The following PKP4 variants were observed in gnomAD, a reference collection of about 807,000 sequenced individuals.
PKP4 encodes plakophilin 4.
PKP4 carries 90 observed loss-of-function variants against 145.1 expected under a neutral mutation model. The ratio of observed to expected loss-of-function variants is 0.62; its 90% CI spans 0.52 to 0.74. PKP4 has a LOEUF of 0.74. Among genes scored for constraint, PKP4 ranks in the 30% least tolerant of loss-of-function variants. PKP4 has a pLI of 0.00. For synonymous variants in PKP4, 563 were observed against 577.2 expected (o/e 0.98, Z 0.35); for missense variants, 1,340 against 1,482.7 (o/e 0.90, Z 1.58).
intron 2 of PKP4, among the ~76,000 whole-genome samples, chr2:158,538,207 T>A (rs2105650251): frequency 6.6e-6 from 1 of 152,314 alleles, no homozygotes; most frequent in East Asian, 1.9e-4. Context: ...CTTAGATGGG[T>A]CAGAATGCTC....
intron 1 of PKP4, among the ~76,000 whole-genome samples, chr2:158,504,676 A>T (rs200503731): frequency 1.9e-4 from 3 of 16,006 alleles, no homozygotes; most frequent in Non-Finnish European, 2.2e-4. Context: ...AAATATCCTT[A>T]AAAAAAAAAC....
At position 158,680,624 on chromosome 2, in the gene PKP4, C is replaced by T. The variant is rs781069638; in HGVS notation, c.3526C>T (p.Arg1176Ter). 3 of 1,613,686 alleles carry T rather than the reference C, an allele frequency of 1.9e-6. No individual in the cohort carries two copies. In the African/African-American group the frequency reaches 4.0e-5, roughly 22 times the overall value. Residue 1176 changes from arginine (R) to a stop codon, truncating the protein, a stop_gained, in exon 22 of 22, where the codon CGA (arginine) becomes TGA (stop). Transcript: ENST00000389759. LOFTEE classifies it high-confidence loss of function. ...TTATGTAGACTTTTATTCCACTAAA[C>T]GACCTTCTTATAGAGCAGAACAGTA... The part of the protein sequence containing the change: ...TNYVDFYSTK[R>*]PSYRAEQYPG...
chr2:158,602,319 T>C (rs2050296348), intron 3 of PKP4, among the ~76,000 whole-genome samples: 1 of 152,220 alleles, frequency 6.6e-6, no homozygotes, highest in African/African-American at 2.4e-5. Flanking sequence ...GGTGTACCTA[T>C]TCACAAGATT....
At position 158,625,255 on chromosome 2, in the gene PKP4, C is replaced by G; in HGVS notation, c.981C>G (p.Ser327=). Residue 327 remains serine, a synonymous_variant, in exon 7 of 22, where the codon TCC becomes TCG. Coordinates refer to ENST00000389759, the MANE Select transcript of PKP4 (RefSeq NM_003628.6). ...CGGATGCACAGACTCGAGTAGCTTC[C>G]CCATCCCAAGGCCAGGTGGGGTCGT... is the stretch of plus-strand genomic sequence containing the variant. The part of the protein sequence containing the change: ...TLTDAQTRVA[S]PSQGQVGSSS... The G allele has an allele frequency of 2.5e-6, 4 of 1,614,230 alleles. No homozygotes were observed. The South Asian group carries it at 4.4e-5, about 18-fold the overall frequency.
chr2:158,513,286 C>A (rs1363717897), intron 1 of PKP4, among the ~76,000 whole-genome samples: 2 of 152,112 alleles, frequency 1.3e-5, no homozygotes, highest in Non-Finnish European at 2.9e-5. Context: ...ATTTTCTTCT[C>A]TTAGAAGCAG....
intron 1 of PKP4, among the ~76,000 whole-genome samples, chr2:158,471,959 C>T (rs1691634568): frequency 6.6e-6 from 1 of 152,144 alleles, no homozygotes; most frequent in Non-Finnish European, 1.5e-5. Context: ...ATGCATTCTT[C>T]CTCAGCTCTT....
chr2:158,631,281 C>T (rs1440484076), intron 7 of PKP4, among the ~76,000 whole-genome samples: 1 of 151,944 alleles, frequency 6.6e-6, no homozygotes, highest in African/African-American at 2.4e-5. Context: ...GTACTTTTCA[C>T]GTGTGGCATT....
At chr2:158,491,102 G>T (rs1694869857) in intron 1 of PKP4, among the ~76,000 whole-genome samples, 1 of 152,104 alleles carries the variant, frequency 6.6e-6, no homozygotes, top group Non-Finnish European at 1.5e-5. Context: ...GTCTGTGTTA[G>T]CTTGTTGATT....
chr2:158,632,028 G>A, intron 8 of PKP4, 87 bp downstream of exon 8: 2 of 1,224,266 alleles, frequency 1.6e-6, no homozygotes, highest in Non-Finnish European at 2.4e-6. Context: ...CCTGTTAGAA[G>A]GAAATCATGT....
chr2:158,608,072 C>T (rs996338607), intron 4 of PKP4, among the ~76,000 whole-genome samples: 4 of 152,134 alleles, frequency 2.6e-5, no homozygotes, highest in Non-Finnish European at 2.9e-5. Context: ...TGATTTATAA[C>T]GCAAAGGATA....
intron 3 of PKP4, among the ~76,000 whole-genome samples, chr2:158,580,696 A>G (rs2048259149): frequency 6.6e-6 from 1 of 152,194 alleles, no homozygotes; most frequent in Non-Finnish European, 1.5e-5. Context: ...TTTAAGGGTT[A>G]TGAGTAAGGT....
At chr2:158,658,010 T>C (rs778208542) in intron 11 of PKP4, 121 bp from the exon 12 acceptor site, 40 of 652,670 alleles carry the variant, frequency 6.1e-5, no homozygotes, top group Non-Finnish European at 1.0e-4. Context: ...TGGTTGCAAA[T>C]ATAGGCCATA....
chr2:158,671,368 G>T (rs996079251), intron 17 of PKP4, among the ~76,000 whole-genome samples: 1 of 151,092 alleles, frequency 6.6e-6, no homozygotes, highest in Non-Finnish European at 1.5e-5. Flanking sequence ...AGTAATAAAT[G>T]GTTATAGGGG....
At chr2:158,583,613 G>A (rs1194606334) in intron 3 of PKP4, among the ~76,000 whole-genome samples, 3 of 152,064 alleles carry the variant, frequency 2.0e-5, no homozygotes, top group Non-Finnish European at 4.4e-5. Context: ...GTATACAGTT[G>A]TGTGACGACC....
intron 11 of PKP4, among the ~76,000 whole-genome samples, chr2:158,646,025 T>C (rs1167331996): frequency 6.6e-6 from 1 of 152,208 alleles, no homozygotes; most frequent in Non-Finnish European, 1.5e-5. Flanking sequence ...TTTTAAGACA[T>C]GGACCTTGGC....
chr2:158,504,147 GACTTGTATT>G (rs1696986521), intron 1 of PKP4, among the ~76,000 whole-genome samples: 1 of 152,020 alleles, frequency 6.6e-6, no homozygotes, highest in Non-Finnish European at 1.5e-5. Context: ...CTGACAATGT[GACTTGTATT>G]ACTTGATAAA....
Position 158,541,806 on chromosome 2 carries a change from C to T in PKP4, c.132+8490C>T, listed in dbSNP as rs542946853. 1.1e-4 allele frequency among the ~76,000 whole-genome samples: 16 copies of T among 152,152 alleles called. No individual in the cohort carries two copies. The South Asian group carries it at 3.1e-3, about 30-fold the overall frequency. On this transcript the variant is annotated intron_variant, in intron 2 of 21. Coordinates refer to ENST00000389759, the MANE Select transcript of PKP4 (RefSeq NM_003628.6). ...AACGCGGCATCAGTGAAGTGTTCAT[C>T]GTGAGTTATCATCTACCCTAATAGG... is the stretch of plus-strand genomic sequence containing the variant.
chr2:158,672,644 GT>G (rs2057664800), intron 17 of PKP4, among the ~76,000 whole-genome samples: 1 of 152,182 alleles, frequency 6.6e-6, no homozygotes, highest in South Asian at 2.1e-4. Context: ...TTTCTTTGGG[GT>G]ATTTAGCTAT....
intron 2 of PKP4, among the ~76,000 whole-genome samples, chr2:158,559,395 G>A (rs2046342451): frequency 6.6e-6 from 1 of 152,038 alleles, no homozygotes; most frequent in African/African-American, 2.4e-5. Context: ...ACACATGCCT[G>A]AGGGAGGCAG....
Sources: gnomAD v4.1 joint callset for allele counts (sites outside exome capture counted in the v4.1 genomes callset) on GRCh38, gnomAD v4.1.1 for gene constraint, MANE v1.5 for transcripts, NCBI Gene and HGNC (gene_info 2026-07-23, HGNC 2026-07-21) for gene names.